The following TAFA1 variants were observed in gnomAD, a reference collection of about 807,000 sequenced individuals.
The protein encoded by TAFA1 is chemokine-like protein TAFA-1.
Under a neutral mutation model 18.5 loss-of-function variants are expected in TAFA1, and 4 were observed. The observed-to-expected ratio is 0.22, with a 90% CI of 0.11 to 0.49. The LOEUF is 0.49. Ranked by LOEUF, TAFA1 falls within the 20% of genes least tolerant of loss-of-function variation. The pLI is 0.98. For synonymous variants in TAFA1, 56 were observed against 55.2 expected (o/e 1.01, Z -0.06); for missense variants, 147 against 169.0 (o/e 0.87, Z 0.72).
At chr3:68,114,511 T>G (rs1323350409) in intron 2 of TAFA1, among the ~76,000 whole-genome samples, 1 of 152,188 alleles carries the variant, frequency 6.6e-6, no homozygotes, top group Non-Finnish European at 1.5e-5. Context: ...TCATTGATCC[T>G]TAGGGAAACA....
At chr3:68,494,542 A>G (rs944112463) in intron 3 of TAFA1, among the ~76,000 whole-genome samples, 1 of 152,176 alleles carries the variant, frequency 6.6e-6, no homozygotes, top group Admixed American at 6.6e-5. Flanking sequence ...TAAGCCTCCC[A>G]GAGAACTTTC....
intron 2 of TAFA1, among the ~76,000 whole-genome samples, chr3:68,035,196 A>G (rs1230582193): frequency 6.6e-6 from 1 of 152,206 alleles, no homozygotes; most frequent in Admixed American, 6.5e-5. Flanking sequence ...TTTTATTTCC[A>G]GAGATCTGTG....
intron 1 of TAFA1, among the ~76,000 whole-genome samples, chr3:68,005,588 T>C (rs1226816577): frequency 6.6e-6 from 1 of 152,148 alleles, no homozygotes; most frequent in Non-Finnish European, 1.5e-5. Flanking sequence ...GTTTTCAACG[T>C]ATAGTTGAGA....
At chr3:68,313,178 C>T (rs1005657220) in intron 2 of TAFA1, among the ~76,000 whole-genome samples, 4 of 152,150 alleles carry the variant, frequency 2.6e-5, no homozygotes, top group African/African-American at 9.7e-5. Flanking sequence ...GACACAAAGC[C>T]AAACCATATT....
intron 2 of TAFA1, among the ~76,000 whole-genome samples, chr3:68,240,095 C>A (rs539514670): frequency 3.9e-4 from 59 of 152,292 alleles, no homozygotes; most frequent in African/African-American, 1.4e-3. Context: ...AGTCTTTTGA[C>A]TGCCAATCCA....
chr3:68,363,484 T>A lies in TAFA1; in HGVS notation c.119-53796T>A, dbSNP rs565621164. ...ATGTTCAAAGAGGCTGAATGACTTT[T>A]CTAAGGCCTCCCAGCTAATACATGG... On this transcript the variant is annotated intron_variant, in intron 2 of 4. Transcript: ENST00000478136. Among the ~76,000 whole-genome samples the A allele has an allele frequency of 3.3e-5, 5 of 152,266 alleles. No homozygotes were observed. In the East Asian group the frequency reaches 9.7e-4, roughly 29 times the overall value.
chr3:68,388,071 A>G (rs962490857), intron 2 of TAFA1, among the ~76,000 whole-genome samples: 1 of 152,192 alleles, frequency 6.6e-6, no homozygotes, highest in Admixed American at 6.5e-5. Flanking sequence ...AGGCATATTC[A>G]GTATTTCAAT....
intron 3 of TAFA1, 96 bp from the exon 4 acceptor site, chr3:68,538,660 G>A: frequency 2.4e-6 from 3 of 1,239,188 alleles, no homozygotes; most frequent in Non-Finnish European, 3.5e-6. Context: ...AACTTAGTGT[G>A]CTTCCAAGAA....
chr3:68,288,116 C>T (rs187430176), intron 2 of TAFA1, among the ~76,000 whole-genome samples: 1 of 152,156 alleles, frequency 6.6e-6, no homozygotes, highest in African/African-American at 2.4e-5. Flanking sequence ...GGGTGATCTC[C>T]CCTCTCTTTT....
chr3:68,453,062 A>G (rs1036247629), intron 3 of TAFA1, among the ~76,000 whole-genome samples: 9 of 152,158 alleles, frequency 5.9e-5, no homozygotes, highest in African/African-American at 9.7e-5. Context: ...CTGCTATAGA[A>G]TTGCTTTATT....
At chr3:68,398,740 C>G (rs1187457122) in intron 2 of TAFA1, among the ~76,000 whole-genome samples, 3 of 152,120 alleles carry the variant, frequency 2.0e-5, no homozygotes, top group Non-Finnish European at 4.4e-5. Context: ...CTTCAGGGAA[C>G]TGAAACTTCA....
intron 2 of TAFA1, among the ~76,000 whole-genome samples, chr3:68,061,149 G>C (rs1390712200): frequency 6.6e-6 from 1 of 152,198 alleles, no homozygotes; most frequent in Non-Finnish European, 1.5e-5. Flanking sequence ...CCCGTGGAAA[G>C]CTCCATGACA....
chr3:68,274,368 T>C lies in TAFA1; in HGVS notation c.119-142912T>C, dbSNP rs2067747406. 2.0e-5 allele frequency among the ~76,000 whole-genome samples: 3 copies of C among 152,192 alleles called. No individual in the cohort carries two copies. In the South Asian group the frequency reaches 6.2e-4, roughly 31 times the overall value. ...CCCCATCCAACATTTTTCTGTCTAG[T>C]GTTCAGAGAAAAATGGTAAATTAAT... On this transcript the variant is annotated intron_variant, in intron 2 of 4. Coordinates refer to ENST00000478136, the MANE Select transcript of TAFA1 (RefSeq NM_213609.4).
intron 2 of TAFA1, among the ~76,000 whole-genome samples, chr3:68,072,959 A>ATTAAT (rs1465737105): frequency 1.4e-4 from 21 of 152,358 alleles, no homozygotes; most frequent in African/African-American, 5.1e-4. Flanking sequence ...GTTTGTTAGA[A>ATTAAT]TACAAAGAAC....
At chr3:68,433,492 T>C (rs530739309) in intron 3 of TAFA1, among the ~76,000 whole-genome samples, 5 of 152,260 alleles carry the variant, frequency 3.3e-5, no homozygotes, top group African/African-American at 4.8e-5. Context: ...AAATTCCCAC[T>C]TTAAATTACA....
At chr3:68,469,828 GC>G (rs2106944477) in intron 3 of TAFA1, among the ~76,000 whole-genome samples, 1 of 152,270 alleles carries the variant, frequency 6.6e-6, no homozygotes, top group South Asian at 2.1e-4. Context: ...CCAGTGATGG[GC>G]TGTCTAAGCT....
intron 2 of TAFA1, among the ~76,000 whole-genome samples, chr3:68,236,854 A>G (rs2066933139): frequency 1.3e-5 from 2 of 152,182 alleles, no homozygotes; most frequent in Admixed American, 6.5e-5. Context: ...TGAGATCATA[A>G]TCATGGAATC....
intron 2 of TAFA1, among the ~76,000 whole-genome samples, chr3:68,061,964 G>A (rs1231466684): frequency 2.0e-5 from 3 of 151,806 alleles, no homozygotes; most frequent in Non-Finnish European, 2.9e-5. Context: ...TACCTCAAAC[G>A]ATATGGTTTT....
intron 2 of TAFA1, among the ~76,000 whole-genome samples, chr3:68,134,357 G>A (rs909500787): frequency 4.3e-5 from 5 of 116,874 alleles, no homozygotes; most frequent in African/African-American, 1.2e-4. Flanking sequence ...TACTGAGTGC[G>A]TGTGTGTGTG....
Sources: gnomAD v4.1 joint callset for allele counts (sites outside exome capture counted in the v4.1 genomes callset) on GRCh38, gnomAD v4.1.1 for gene constraint, MANE v1.5 for transcripts, NCBI Gene and HGNC (gene_info 2026-07-23, HGNC 2026-07-21) for gene names.